Variants in SLC44A5 observed in about 807,000 individuals in gnomAD.
SLC44A5 encodes solute carrier family 44 member 5.
SLC44A5 carries 57 observed loss-of-function variants against 101.8 expected under a neutral mutation model. That is an observed-to-expected ratio of 0.56 (90% CI 0.45 to 0.70). SLC44A5 has a LOEUF of 0.70. Among genes scored for constraint, SLC44A5 ranks in the 30% least tolerant of loss-of-function variants. The pLI is 0.00. For synonymous variants in SLC44A5, 281 were observed against 290.9 expected (o/e 0.97, Z 0.35); for missense variants, 737 against 853.1 (o/e 0.86, Z 1.70).
intron 1 of SLC44A5, among the ~76,000 whole-genome samples, chr1:75,586,662 A>G (rs1674019450): frequency 6.6e-6 from 1 of 152,008 alleles, no homozygotes; most frequent in Non-Finnish European, 1.5e-5. Context: ...CAGGTCCACT[A>G]TACCATATAT....
At chr1:75,672,436 C>T in the SLC44A5 span, among the ~76,000 whole-genome samples, 15 of 152,044 alleles carry the variant, frequency 9.9e-5, no homozygotes, top group African/African-American at 3.4e-4. Flanking sequence ...TTATCCATCC[C>T]AACAGCAAGA....
Position 75,231,679 on chromosome 1 carries a change from T to A in SLC44A5, c.853+2307A>T, listed in dbSNP as rs149958534. 2.2e-3 allele frequency among the ~76,000 whole-genome samples: 338 copies of A among 152,304 alleles called. 1 individual carries two copies. The highest frequency in any genetic ancestry group is 5.3e-3 in the Admixed American group (81 of 15,290). On this transcript the variant is annotated intron_variant, in intron 12 of 23. Transcript: ENST00000370859. ...TTATAAGCATTATTTTGTTTAGTAG[T>A]CACATATTCCTGTTATATGATTGAG...
At chr1:75,515,880 G>A (rs541840120) in intron 2 of SLC44A5, among the ~76,000 whole-genome samples, 1 of 151,820 alleles carries the variant, frequency 6.6e-6, no homozygotes, top group South Asian at 2.1e-4. Flanking sequence ...AGTGTACAAG[G>A]GTTTTTTTTT....
intron 3 of SLC44A5, among the ~76,000 whole-genome samples, chr1:75,384,479 A>C (rs1327688771): frequency 2.4e-5 from 3 of 126,536 alleles, no homozygotes; most frequent in African/African-American, 9.1e-5. Flanking sequence ...CATAATGGTA[A>C]AGGGATCAAT....
At chr1:75,288,072 T>G (rs762720699) in intron 5 of SLC44A5, among the ~76,000 whole-genome samples, 3 of 152,194 alleles carry the variant, frequency 2.0e-5, no homozygotes, top group Non-Finnish European at 4.4e-5. Context: ...TTCAAAGGTT[T>G]TCGGCTGTCT....
chr1:75,492,971 T>C (rs1668499941), intron 2 of SLC44A5, among the ~76,000 whole-genome samples: 1 of 152,226 alleles, frequency 6.6e-6, no homozygotes, highest in African/African-American at 2.4e-5. Context: ...AAGAAGGTAG[T>C]ATCCTTCCTT....
intron 4 of SLC44A5, among the ~76,000 whole-genome samples, chr1:75,305,122 T>A (rs1654803406): frequency 1.3e-5 from 2 of 152,258 alleles, no homozygotes; most frequent in Admixed American, 6.5e-5. Flanking sequence ...CCTTTCCTCC[T>A]ACCTCTAATC....
intron 1 of SLC44A5, among the ~76,000 whole-genome samples, chr1:75,595,652 A>C (rs964734524): frequency 3.9e-5 from 6 of 152,184 alleles, no homozygotes; most frequent in Non-Finnish European, 8.8e-5. Context: ...GGCTGGCACC[A>C]GGACTCTTCC....
the SLC44A5 span, among the ~76,000 whole-genome samples, chr1:75,625,724 G>A: frequency 1.3e-5 from 2 of 152,064 alleles, no homozygotes; most frequent in Non-Finnish European, 2.9e-5. Context: ...TGGTACTCCT[G>A]TCTATTTATT....
chr1:75,275,144 C>A, intron 5 of SLC44A5, 102 bp from the exon 6 acceptor site: 1 of 730,370 alleles, frequency 1.4e-6, no homozygotes, highest in Non-Finnish European at 2.4e-6. Flanking sequence ...CTAACCTCTC[C>A]CCTCAGTCAC....
In SLC44A5 at chr1:75,237,239, TCAGTAAACCTG is replaced by T. The variant is rs547178851; in HGVS notation, c.657-180_657-170del. 1.8e-3 allele frequency among the ~76,000 whole-genome samples: 272 copies of T among 152,204 alleles called. 1 individual carries two copies. Among genetic ancestry groups the T allele is most frequent in the African/African-American group, 6.4e-3 (265 of 41,556 alleles). On this transcript the variant is annotated intron_variant, in intron 10 of 23. Coordinates refer to ENST00000370859, the MANE Select transcript of SLC44A5 (RefSeq NM_001130058.2). ...CCACAATAATACATAAAATGTCACT[TCAGTAAACCTG>T]CAAAGGTAGCTATAGCTGCACGCAG...
chr1:75,246,305 A>G (rs1248713840), intron 7 of SLC44A5, among the ~76,000 whole-genome samples: 2 of 152,136 alleles, frequency 1.3e-5, no homozygotes, highest in African/African-American at 4.8e-5. Flanking sequence ...CATAATATGC[A>G]AGTATATTTT....
chr1:75,213,917 A>T lies in SLC44A5; in HGVS notation c.1873+2T>A. The T allele has an allele frequency of 6.3e-7, 1 of 1,576,096 alleles. No individual in the cohort carries two copies. ...TTTATTATTTTCATCATGATTACTT[A>T]CCTATACTTCCAGCAACTAGAAGTT... On this transcript the variant is annotated splice_donor_variant, in intron 21 of 23. Transcript: ENST00000370859. LOFTEE classifies it high-confidence loss of function.
At chr1:75,402,441 G>C in intron 2 of SLC44A5, 2 of 405,400 alleles carry the variant, frequency 4.9e-6, no homozygotes, top group South Asian at 3.5e-5. Flanking sequence ...CTTCCAGCAA[G>C]ATCAACGCAG....
At chr1:75,461,953 G>C (rs185190367) in intron 2 of SLC44A5, among the ~76,000 whole-genome samples, 1 of 152,338 alleles carries the variant, frequency 6.6e-6, no homozygotes, top group South Asian at 2.1e-4. Context: ...CTGGGTCCTG[G>C]AGAAAATCAC....
chr1:75,596,180 T>C (rs912996518), intron 1 of SLC44A5, among the ~76,000 whole-genome samples: 1 of 149,184 alleles, frequency 6.7e-6, no homozygotes, highest in African/African-American at 2.5e-5. Flanking sequence ...ACTAAAGTGA[T>C]AGTTCAACAT....
the SLC44A5 span, among the ~76,000 whole-genome samples, chr1:75,694,506 A>C: frequency 1.3e-5 from 2 of 152,006 alleles, no homozygotes; most frequent in African/African-American, 4.8e-5. Context: ...TTACATGTAA[A>C]TCCTATTGGA....
intron 3 of SLC44A5, among the ~76,000 whole-genome samples, chr1:75,389,613 A>C (rs1333018733): frequency 3.3e-5 from 5 of 152,174 alleles, no homozygotes; most frequent in Admixed American, 3.3e-4. Context: ...CTTTGAAATA[A>C]ATGAAAAGAG....
chr1:75,232,446 C>CA (rs979356949), intron 12 of SLC44A5, among the ~76,000 whole-genome samples: 10 of 149,562 alleles, frequency 6.7e-5, no homozygotes, highest in African/African-American at 2.0e-4. Context: ...GTTTAAACAA[C>CA]TTTTTTTTTT....
Sources: allele counts gnomAD v4.1 joint callset (sites outside exome capture counted in the v4.1 genomes callset), GRCh38; gene constraint gnomAD v4.1.1; transcripts MANE v1.5; gene names NCBI Gene and HGNC (gene_info 2026-07-23, HGNC 2026-07-21).